The following MAN1A1 variants were observed in gnomAD, a reference collection of about 807,000 sequenced individuals.
MAN1A1 encodes mannosyl-oligosaccharide 1,2-alpha-mannosidase IA.
A neutral mutation model predicts 70.8 loss-of-function variants in MAN1A1; 29 were observed. The observed-to-expected ratio is 0.41, with a 90% CI of 0.31 to 0.56. MAN1A1 has a LOEUF of 0.56. Among genes scored for constraint, MAN1A1 ranks in the 20% least tolerant of loss-of-function variants. The pLI, the probability that MAN1A1 is intolerant of heterozygous loss-of-function variation, is 0.29. For missense variants in MAN1A1, 747 were observed against 841.3 expected, an observed-to-expected ratio of 0.89 and a Z score of 1.39; for synonymous variants, 349 against 330.1, an observed-to-expected ratio of 1.06 and a Z score of -0.62.
chr6:119,341,289 T>A (rs1300909889), intron 2 of MAN1A1, among the ~76,000 whole-genome samples: 1 of 152,080 alleles, frequency 6.6e-6, no homozygotes, highest in Non-Finnish European at 1.5e-5. Flanking sequence ...AGCAAAGACG[T>A]CCCACCTCCC....
At chr6:119,189,383 G>A (rs1773377864) in intron 10 of MAN1A1, among the ~76,000 whole-genome samples, 1 of 152,170 alleles carries the variant, frequency 6.6e-6, no homozygotes, top group African/African-American at 2.4e-5. Context: ...GGGAGATAGA[G>A]ACCCTTGCCC....
rs9489645 is a variant in MAN1A1 at position 119,271,576 on chromosome 6, T to C, written c.897+19107A>G. Among the ~76,000 whole-genome samples the C allele has an allele frequency of 2.9e-3, 437 of 152,192 alleles. 2 individuals carry two copies. The highest frequency in any genetic ancestry group is 0.01 in the African/African-American group (421 of 41,514). The stretch of plus-strand genomic sequence containing the variant: ...GTGCAGTGGCGTGATCTCAGCTCAC[T>C]GCAACCTCCGCCTCCTGGGTTCAAG... On this transcript the variant is annotated intron_variant, in intron 5 of 12. Transcript: ENST00000368468.
Position 119,266,135 on chromosome 6 carries a change from T to C in MAN1A1, c.898-17781A>G, listed in dbSNP as rs186871797. Among the ~76,000 whole-genome samples, 87 of 152,316 alleles carry C rather than the reference T, an allele frequency of 5.7e-4. 1 individual carries two copies. The highest frequency in any genetic ancestry group is 6.8e-4 in the Non-Finnish European group (46 of 68,020). On this transcript the variant is annotated intron_variant, in intron 5 of 12. Transcript: ENST00000368468. ...TCAAAGAACAGATGGAGATATTCCA[T>C]GTTTATAGATAGAAGATTGAATACC... is the stretch of plus-strand genomic sequence containing the variant.
rs757363413 is a variant in MAN1A1 at position 119,201,991 on chromosome 6, C to T, written c.1117-644G>A. ...AGTGAGTAATAAGTGAATGTGAAGG[C>T]CTGGGACGTTACTGTATAGTACTGT... On this transcript the variant is annotated intron_variant, in intron 7 of 12. Coordinates refer to ENST00000368468, the MANE Select transcript of MAN1A1 (RefSeq NM_005907.4). 3.2e-4 allele frequency among the ~76,000 whole-genome samples: 48 copies of T among 152,090 alleles called. No homozygotes were observed. The Middle Eastern group carries it at 0.01, about 32-fold the overall frequency.
chr6:119,326,303 CAAAGACGGA>C (rs1159570838), intron 2 of MAN1A1, among the ~76,000 whole-genome samples: 1 of 152,210 alleles, frequency 6.6e-6, no homozygotes, highest in Non-Finnish European at 1.5e-5. Context: ...TGTCCGTCTG[CAAAGACGGA>C]AAAGACGGAC....
intron 10 of MAN1A1, among the ~76,000 whole-genome samples, chr6:119,189,187 C>T (rs1386016646): frequency 6.6e-6 from 1 of 152,130 alleles, no homozygotes; most frequent in African/African-American, 2.4e-5. Context: ...CCATGAAATA[C>T]CATTTGAGTT....
chr6:119,249,576 T>C (rs1775262480), intron 5 of MAN1A1, among the ~76,000 whole-genome samples: 1 of 152,076 alleles, frequency 6.6e-6, no homozygotes, highest in Non-Finnish European at 1.5e-5. Context: ...CTGAAGAGCA[T>C]GGAAAATGGA....
chr6:119,279,005 T>A (rs1196668171), intron 5 of MAN1A1, among the ~76,000 whole-genome samples: 1 of 152,076 alleles, frequency 6.6e-6, no homozygotes, highest in Admixed American at 6.6e-5. Context: ...AGTATTCTTT[T>A]ATAGCAATAC....
chr6:119,296,261 C>T (rs1046990359), intron 4 of MAN1A1, among the ~76,000 whole-genome samples: 1 of 152,180 alleles, frequency 6.6e-6, no homozygotes. Context: ...AAATACCTCT[C>T]TTCTCTATGT....
In MAN1A1 at chr6:119,253,400, G is replaced by A. The variant is rs570421087; in HGVS notation, c.898-5046C>T. On this transcript the variant is annotated intron_variant, in intron 5 of 12. Transcript: ENST00000368468. ...AAAGGGCCCAATTCTCCATGACAAC[G>A]CCCGACTGCACGTTGCAAAACCGCT... Among the ~76,000 whole-genome samples, 8 of 152,260 alleles carry A rather than the reference G, an allele frequency of 5.3e-5. 1 individual carries two copies. In the South Asian group the frequency reaches 1.4e-3, roughly 28 times the overall value.
intron 5 of MAN1A1, among the ~76,000 whole-genome samples, chr6:119,262,501 AG>A (rs1775638306): frequency 6.6e-6 from 1 of 152,208 alleles, no homozygotes; most frequent in Non-Finnish European, 1.5e-5. Context: ...GGGGTTGTGG[AG>A]AAAAAGGAAT....
chr6:119,192,556 T>A (rs1261119149), intron 9 of MAN1A1, among the ~76,000 whole-genome samples: 1 of 152,168 alleles, frequency 6.6e-6, no homozygotes, highest in African/African-American at 2.4e-5. Flanking sequence ...AACCCAGACC[T>A]CTTGTTAGAA....
chr6:119,207,133 A>G (rs2114952841), intron 6 of MAN1A1, among the ~76,000 whole-genome samples: 1 of 152,352 alleles, frequency 6.6e-6, no homozygotes, highest in Non-Finnish European at 1.5e-5. Flanking sequence ...AAAGCATTCA[A>G]TACGTTTAGA....
At chr6:119,214,671 A>G (rs536378657) in intron 6 of MAN1A1, among the ~76,000 whole-genome samples, 2 of 151,822 alleles carry the variant, frequency 1.3e-5, no homozygotes, top group Non-Finnish European at 2.9e-5. Context: ...CGGCTGGCTA[A>G]TTTTTTGTAT....
At chr6:119,182,061 A>G (rs1014939900) in intron 11 of MAN1A1, among the ~76,000 whole-genome samples, 4 of 152,188 alleles carry the variant, frequency 2.6e-5, no homozygotes, top group African/African-American at 9.7e-5. Context: ...TGAATTTTTG[A>G]TAATAGCCAT....
chr6:119,320,521 CTG>C (rs1436631688), intron 2 of MAN1A1, among the ~76,000 whole-genome samples: 1 of 151,848 alleles, frequency 6.6e-6, no homozygotes, highest in Non-Finnish European at 1.5e-5. Context: ...ACAGTGACAA[CTG>C]TGTAATAATA....
chr6:119,322,776 A>G (rs1302750641), intron 2 of MAN1A1, among the ~76,000 whole-genome samples: 2 of 152,196 alleles, frequency 1.3e-5, no homozygotes, highest in Non-Finnish European at 2.9e-5. Context: ...AAATGTCTTC[A>G]GCATAAGGCT....
At chr6:119,235,382 G>A (rs563372103) in intron 6 of MAN1A1, among the ~76,000 whole-genome samples, 26 of 152,324 alleles carry the variant, frequency 1.7e-4, no homozygotes, top group Non-Finnish European at 1.5e-5. Flanking sequence ...TATGGAGAAA[G>A]TTTTAGGTGG....
chr6:119,292,654 T>A (rs1772074517), intron 4 of MAN1A1, among the ~76,000 whole-genome samples: 1 of 151,976 alleles, frequency 6.6e-6, no homozygotes, highest in African/African-American at 2.4e-5. Context: ...AAAATTCCTA[T>A]AAAAGGACAA....
Sources: allele counts gnomAD v4.1 joint callset (sites outside exome capture counted in the v4.1 genomes callset), GRCh38; gene constraint gnomAD v4.1.1; transcripts MANE v1.5; gene names NCBI Gene and HGNC (gene_info 2026-07-23, HGNC 2026-07-21).